SLC49A3: variants seen among roughly 807,000 people sequenced by gnomAD.
SLC49A3 encodes solute carrier family 49 member A3.
A neutral mutation model predicts 43.8 loss-of-function variants in SLC49A3; 50 were observed. The ratio of observed to expected loss-of-function variants is 1.14; its 90% CI spans 0.91 to 1.45. The LOEUF is 1.45. Ranked by LOEUF, SLC49A3 falls within the 40% of genes most tolerant of loss-of-function variation. The probability of loss-of-function intolerance (pLI) is 0.00; values close to 1 mark genes in which losing one functional copy is unlikely to be tolerated. For synonymous variants in SLC49A3, 413 were observed against 352.0 expected (o/e 1.17, Z -1.94); for missense variants, 906 against 774.1 (o/e 1.17, Z -2.02).
chr4:686,326 G>C, intron 2 of SLC49A3, 24 bp from the exon 3 acceptor site: 2 of 1,610,834 alleles, frequency 1.2e-6, no homozygotes, highest in Non-Finnish European at 1.7e-6. Flanking sequence ...GTCGGGGACC[G>C]GGTCAGGAAC....
At position 682,467 on chromosome 4, in the gene SLC49A3, C is replaced by T. The variant is rs548744697; in HGVS notation, c.1262-91G>A. On this transcript the variant is annotated intron_variant, in intron 9 of 9. Transcript: ENST00000322224. ...TGCTGGCCTATGGTGACCCCACTAC[C>T]CTTGACCACAGAGTGACCCCAGACG... is the stretch of plus-strand genomic sequence containing the variant. 338 of 1,241,558 alleles carry T rather than the reference C, an allele frequency of 2.7e-4. No homozygotes were observed. In the Middle Eastern group the frequency reaches 4.4e-3, roughly 16 times the overall value. The allele number at this position is 1,241,558 out of a possible 1,614,324, so 76.9% of individuals were successfully genotyped here. A position where few individuals can be genotyped will look rare whatever the true frequency, so the allele number is the denominator to read the frequency against.
chr4:681,025 T>G (rs1162010666), downstream of SLC49A3: 201 of 1,530,450 alleles, frequency 1.3e-4, 3 homozygotes, highest in Admixed American at 3.7e-3. Flanking sequence ...CTGGAGCACC[T>G]GAGCCCCACC....
rs762010751 is a variant in SLC49A3 at position 682,288 on chromosome 4, G to A, written c.1350C>T (p.Ala450=). 16 of 1,341,950 alleles carry A rather than the reference G, an allele frequency of 1.2e-5. No homozygotes were observed. In the Admixed American group the frequency reaches 1.7e-4, roughly 14 times the overall value. 83.1% of individuals were successfully genotyped at this position (1,341,950 alleles called of 1,614,324 possible). The change falls in exon 10 of 10, where the codon GCC becomes GCT. Residue 450 remains alanine (A), a synonymous_variant. Coordinates refer to ENST00000322224, the MANE Select transcript of SLC49A3 (RefSeq NM_032219.4). ...GGGTGGAGGGGGGCTCCCCAGACTC[G>A]GCCTGCAGGCGCCGGTATGGGGTGT... ...FFHTPYRRLQ[A]ESGEPPSTRN...
downstream of SLC49A3, among the ~76,000 whole-genome samples, chr4:681,631 T>C (rs1418708255): frequency 1.1e-3 from 4 of 3,538 alleles, no homozygotes; most frequent in African/African-American, 2.0e-3. Context: ...CCCCGCCCCC[T>C]CCAGCGCCGC....
rs369440597 is a variant in SLC49A3 at position 688,666 on chromosome 4, G to A, written c.135+327C>T. Among the ~76,000 whole-genome samples, 4 of 152,260 alleles carry A rather than the reference G, an allele frequency of 2.6e-5. No homozygotes were observed. In the East Asian group the frequency reaches 7.7e-4, roughly 29 times the overall value. ...CTGCTGTCCTGGGGCTGGGAGGCGT[G>A]GAAGGAGAGAGGGCCAACGCAGGGC... On this transcript the variant is annotated intron_variant, in intron 1 of 9. Coordinates refer to ENST00000322224, the MANE Select transcript of SLC49A3 (RefSeq NM_032219.4).
At chr4:679,845 G>A (rs1739264700), downstream of SLC49A3, 9 of 1,369,820 alleles carry the variant, frequency 6.6e-6, no homozygotes, top group Admixed American at 1.4e-4. Flanking sequence ...GCCCTGTGCT[G>A]GGGTCACCTG....
At chr4:686,468 C>T in intron 2 of SLC49A3, 64 bp downstream of exon 2, 1 of 1,579,056 alleles carries the variant, frequency 6.3e-7, no homozygotes, top group Non-Finnish European at 8.6e-7. Context: ...CCTTGACTCT[C>T]CTACCCAAAT....
downstream of SLC49A3, chr4:679,769 G>A (rs1739255669): frequency 4.6e-6 from 3 of 657,926 alleles, no homozygotes; most frequent in Non-Finnish European, 8.1e-6. Flanking sequence ...TGCACCCACT[G>A]CCCCACGTGC....
Position 681,883 on chromosome 4 carries a change from C to T in SLC49A3, c.*75G>A. The T allele has an allele frequency of 1.5e-6, 2 of 1,313,816 alleles. No individual in the cohort carries two copies. Among genetic ancestry groups the T allele is most frequent in the Non-Finnish European group, 2.0e-6 (2 of 1,022,138 alleles). The allele number at this position is 1,313,816 out of a possible 1,614,324, so 81.4% of individuals were successfully genotyped here. ...GAGCCCGCAAGGAGCCCTTTCGCCCCCGCCCGCAGGTGGACCAGATGTTCC... is the reference window on the plus strand; with the variant it reads ...GAGCCCGCAAGGAGCCCTTTCGCCCTCGCCCGCAGGTGGACCAGATGTTCC... On this transcript the variant is annotated 3_prime_UTR_variant, in exon 10 of 10. Coordinates refer to ENST00000322224, the MANE Select transcript of SLC49A3 (RefSeq NM_032219.4).
In SLC49A3 at chr4:689,144, G is replaced by A. The variant is rs1174572023; in HGVS notation, c.-17C>T. The A allele has an allele frequency of 4.5e-6, 6 of 1,327,898 alleles. No homozygotes were observed. Among genetic ancestry groups the A allele is most frequent in the East Asian group, 3.1e-5 (1 of 31,834 alleles). 82.3% of individuals were successfully genotyped at this position (1,327,898 alleles called of 1,614,324 possible). A position where few individuals can be genotyped will look rare whatever the true frequency, so the allele number is the denominator to read the frequency against. ...CCCCGCCATCGTCGGCGGCCTCCACGGGTCTCCGCCGGTCCCGCCGGCCGC... is the reference window on the plus strand; with the variant it reads ...CCCCGCCATCGTCGGCGGCCTCCACAGGTCTCCGCCGGTCCCGCCGGCCGC... On this transcript the variant is annotated 5_prime_UTR_variant, in exon 1 of 10. Transcript: ENST00000322224.
chr4:679,994 A>C, downstream of SLC49A3: 3 of 1,613,338 alleles, frequency 1.9e-6, no homozygotes, highest in Non-Finnish European at 2.5e-6. Context: ...CATGTTTCTG[A>C]ACCTGTTTGG....
chr4:684,945 GCTC>G (rs1222424225), intron 4 of SLC49A3, 89 bp from the exon 5 acceptor site: 122 of 1,488,348 alleles, frequency 8.2e-5, no homozygotes, highest in Non-Finnish European at 1.0e-4. Flanking sequence ...CCACCTCCCA[GCTC>G]CTCCTGCCCC....
At position 682,127 on chromosome 4, in the gene SLC49A3, G is replaced by A. The variant is rs1739833328; in HGVS notation, c.1511C>T (p.Pro504Leu). The change falls in exon 10 of 10, where the codon CCC becomes CTC. Residue 504 changes from proline (P) to leucine (L), a missense_variant. Physicochemically the swap from Pro to Leu is moderately conservative, Grantham distance 98 (BLOSUM62 -3). Transcript: ENST00000322224. ...GTGGCAGGCTGGGTGGGGGCTCCCG[G>A]GCCCTCTGGGGTCCTCTAGCGAGGC... ...RGASLEDPRG[P>L]GSPHPACHRA... The A allele has an allele frequency of 1.5e-6, 2 of 1,346,658 alleles. No individual in the cohort carries two copies. The highest frequency in any genetic ancestry group is 3.7e-5 in the South Asian group (2 of 53,674). The allele number at this position is 1,346,658 out of a possible 1,614,324, so 83.4% of individuals were successfully genotyped here.
At chr4:680,514 G>C (rs752115083), downstream of SLC49A3, 39 of 1,613,138 alleles carry the variant, frequency 2.4e-5, no homozygotes, top group Non-Finnish European at 3.3e-5. Context: ...GGCAGGTACC[G>C]ACGCCGAGGA....
chr4:684,927 C>T (rs1273315946), intron 4 of SLC49A3, 71 bp from the exon 5 acceptor site: 1 of 1,527,320 alleles, frequency 6.5e-7, no homozygotes, highest in Non-Finnish European at 8.8e-7. Flanking sequence ...CCCTGCCTGT[C>T]CCAGGCGCCA....
chr4:683,369 T>C lies in SLC49A3; in HGVS notation c.994-2A>G, dbSNP rs1740239156. Reference sequence around the variant, plus strand: ...GGTCTGTCCCTGCAGCTGGGACACCTGGGAGCAGCGGAACGGCAGGCAGAC... The same window carrying C: ...GGTCTGTCCCTGCAGCTGGGACACCCGGGAGCAGCGGAACGGCAGGCAGAC... On this transcript the variant is annotated splice_acceptor_variant, in intron 7 of 9. Transcript: ENST00000322224. LOFTEE classifies it high-confidence loss of function. 6.2e-7 allele frequency: 1 copy of C among 1,606,164 alleles called. No homozygotes were observed. The highest frequency in any genetic ancestry group is 8.5e-7 in the Non-Finnish European group (1 of 1,176,162).
downstream of SLC49A3, chr4:678,649 C>A (rs990619778): frequency 6.3e-7 from 1 of 1,599,624 alleles, no homozygotes; most frequent in African/African-American, 1.3e-5. Context: ...CATGGTGCTC[C>A]CACCGCAGGC....
chr4:680,283 C>A (rs1739323386), downstream of SLC49A3, among the ~76,000 whole-genome samples: 1 of 152,178 alleles, frequency 6.6e-6, no homozygotes, highest in South Asian at 2.1e-4. Flanking sequence ...CAGGCCTGGG[C>A]TGACCCTGGG....
At chr4:679,182 C>A, downstream of SLC49A3, 1 of 803,624 alleles carries the variant, frequency 1.2e-6, no homozygotes, top group Non-Finnish European at 2.1e-6. Flanking sequence ...AGGTGATGGC[C>A]CTGGCCGCCC....
Sources: allele counts gnomAD v4.1 joint callset (sites outside exome capture counted in the v4.1 genomes callset), GRCh38; gene constraint gnomAD v4.1.1; transcripts MANE v1.5; gene names NCBI Gene and HGNC (gene_info 2026-07-23, HGNC 2026-07-21).